SEMA6D: variants seen among roughly 807,000 people sequenced by gnomAD.
SEMA6D encodes semaphorin 6D.
Under a neutral mutation model 106.6 loss-of-function variants are expected in SEMA6D, and 35 were observed. The observed-to-expected ratio is 0.33, with a 90% confidence interval of 0.25 to 0.44. The LOEUF (loss-of-function observed/expected upper bound fraction) is 0.44. SEMA6D is among the 20% of genes least tolerant of loss of function. The probability of loss-of-function intolerance (pLI) is 1.00; values close to 1 mark genes in which losing one functional copy is unlikely to be tolerated. For synonymous variants in SEMA6D, 499 were observed against 487.7 expected (o/e 1.02, Z -0.31); for missense variants, 1,185 against 1,345.9 (o/e 0.88, Z 1.87).
At chr15:47,507,472 A>G (rs2044087615) in intron 3 of SEMA6D, among the ~76,000 whole-genome samples, 1 of 152,032 alleles carries the variant, frequency 6.6e-6, no homozygotes. Flanking sequence ...CCAGAGCAAG[A>G]AAAAGGCAGT....
chr15:47,542,744 A>C (rs951915564), intron 3 of SEMA6D, among the ~76,000 whole-genome samples: 1 of 152,162 alleles, frequency 6.6e-6, no homozygotes, highest in Non-Finnish European at 1.5e-5. Context: ...GTGGAATGTC[A>C]TAAAAGCACT....
chr15:47,258,927 ATTAC>A (rs964355934), intron 1 of SEMA6D, among the ~76,000 whole-genome samples: 13 of 151,404 alleles, frequency 8.6e-5, no homozygotes, highest in African/African-American at 2.9e-4. Flanking sequence ...CCTTCTGTGT[ATTAC>A]TTAACACTTT....
chr15:47,277,066 A>G (rs35255262), intron 1 of SEMA6D, among the ~76,000 whole-genome samples: 1 of 151,924 alleles, frequency 6.6e-6, no homozygotes, highest in African/African-American at 2.4e-5. Context: ...ATTAATAGAC[A>G]TGAAGCCTGA....
chr15:47,508,529 G>A (rs1277227905), intron 3 of SEMA6D, among the ~76,000 whole-genome samples: 1 of 152,174 alleles, frequency 6.6e-6, no homozygotes, highest in Non-Finnish European at 1.5e-5. Flanking sequence ...GCTTAGAATA[G>A]TTTATTGGCT....
chr15:47,667,825 A>C (rs1474949332), intron 4 of SEMA6D, among the ~76,000 whole-genome samples: 4 of 152,214 alleles, frequency 2.6e-5, no homozygotes, highest in African/African-American at 9.6e-5. Flanking sequence ...GTAAACATTC[A>C]GTCTATAACA....
chr15:47,543,508 T>G (rs1326845198), intron 3 of SEMA6D, among the ~76,000 whole-genome samples: 1 of 152,168 alleles, frequency 6.6e-6, no homozygotes, highest in African/African-American at 2.4e-5. Context: ...TGTGGAACTG[T>G]GAGTCTATGA....
chr15:47,191,871 G>A (rs1893988006), intron 1 of SEMA6D, among the ~76,000 whole-genome samples: 1 of 152,148 alleles, frequency 6.6e-6, no homozygotes. Flanking sequence ...TTGCTGGAGA[G>A]AAGGCAGAAA....
intron 2 of SEMA6D, among the ~76,000 whole-genome samples, chr15:47,448,001 C>T (rs893519058): frequency 4.6e-5 from 7 of 152,126 alleles, no homozygotes; most frequent in Admixed American, 3.9e-4. Flanking sequence ...GGTACAACAT[C>T]AGAGGAAAAG....
At chr15:47,215,413 G>T (rs1192106598) in intron 1 of SEMA6D, among the ~76,000 whole-genome samples, 2 of 152,014 alleles carry the variant, frequency 1.3e-5, no homozygotes, top group Admixed American at 1.3e-4. Context: ...TGTTAAAACT[G>T]TTGGGCATTT....
chr15:47,589,439 C>T (rs1639497536), intron 3 of SEMA6D, among the ~76,000 whole-genome samples: 1 of 152,338 alleles, frequency 6.6e-6, no homozygotes, highest in Non-Finnish European at 1.5e-5. Context: ...TGTGAGTTCT[C>T]CCCTGGATCC....
intron 2 of SEMA6D, among the ~76,000 whole-genome samples, chr15:47,434,625 C>A: frequency 6.6e-6 from 1 of 152,224 alleles, no homozygotes; most frequent in East Asian, 1.9e-4. Flanking sequence ...ATGGAAGCTA[C>A]TTTGTGAGTC....
intron 1 of SEMA6D, among the ~76,000 whole-genome samples, chr15:47,305,991 T>G (rs569636089): frequency 6.6e-6 from 1 of 152,156 alleles, no homozygotes; most frequent in Non-Finnish European, 1.5e-5. Context: ...TTTTTTCTTT[T>G]TTTCTTTTTG....
intron 4 of SEMA6D, among the ~76,000 whole-genome samples, chr15:47,610,809 A>G (rs1314126826): frequency 6.6e-6 from 1 of 152,234 alleles, no homozygotes; most frequent in Non-Finnish European, 1.5e-5. Flanking sequence ...GAAATGCCCA[A>G]CATGATTGTT....
intron 3 of SEMA6D, chr15:47,525,521 T>G (rs975450073): frequency 3.9e-5 from 6 of 152,230 alleles, no homozygotes; most frequent in African/African-American, 1.4e-4. Context: ...TGCTTTCTAT[T>G]TCTCTTTTAC....
At chr15:47,596,029 T>C (rs977522720) in intron 3 of SEMA6D, among the ~76,000 whole-genome samples, 2 of 152,062 alleles carry the variant, frequency 1.3e-5, no homozygotes, top group African/African-American at 2.4e-5. Flanking sequence ...CATGATCCTA[T>C]GTATAGAAAA....
chr15:47,392,413 A>G (rs1297656260), intron 1 of SEMA6D, among the ~76,000 whole-genome samples: 2 of 152,174 alleles, frequency 1.3e-5, no homozygotes, highest in Non-Finnish European at 2.9e-5. Context: ...AGCTCAGTCT[A>G]ATCACATGTG....
chr15:47,539,690 TGA>T (rs2045296579), intron 3 of SEMA6D, among the ~76,000 whole-genome samples: 1 of 152,192 alleles, frequency 6.6e-6, no homozygotes, highest in African/African-American at 2.4e-5. Flanking sequence ...CCCAACTGGC[TGA>T]GTCTTATACC....
At chr15:47,407,386 AAC>A (rs1555434163) in intron 1 of SEMA6D, among the ~76,000 whole-genome samples, 11 of 142,856 alleles carry the variant, frequency 7.7e-5, no homozygotes, top group Admixed American at 2.2e-4. Context: ...AAAAAAAAAA[AAC>A]CAAAACAACA....
chr15:47,659,353 G>A (rs1345937689), intron 4 of SEMA6D, among the ~76,000 whole-genome samples: 1 of 151,488 alleles, frequency 6.6e-6, no homozygotes, highest in Non-Finnish European at 1.5e-5. Context: ...GAAGATACAG[G>A]AATTGATCAA....
Sources: allele counts gnomAD v4.1 joint callset (sites outside exome capture counted in the v4.1 genomes callset), GRCh38; gene constraint gnomAD v4.1.1; transcripts MANE v1.5; gene names NCBI Gene and HGNC (gene_info 2026-07-23, HGNC 2026-07-21).